Variants in NALF1 observed in about 807,000 individuals in gnomAD.
NALF1 encodes the protein family with sequence similarity 155 member A.
NALF1 carries 3 observed loss-of-function variants against 48.4 expected under a neutral mutation model. The ratio of observed to expected loss-of-function variants is 0.06; its 90% confidence interval spans 0.03 to 0.16. The LOEUF is 0.16. NALF1 is among the 10% of genes least tolerant of loss of function. NALF1 has a pLI of 1.00. For synonymous variants in NALF1, 262 were observed against 245.7 expected (o/e 1.07, Z -0.62); for missense variants, 526 against 571.5 (o/e 0.92, Z 0.81).
At chr13:107,820,540 T>C (rs1879334532) in intron 1 of NALF1, among the ~76,000 whole-genome samples, 1 of 152,216 alleles carries the variant, frequency 6.6e-6, no homozygotes, top group Admixed American at 6.5e-5. Context: ...AAACTTATTT[T>C]TTCAAAACCT....
At chr13:107,711,383 G>A (rs556814715) in intron 1 of NALF1, among the ~76,000 whole-genome samples, 39 of 152,238 alleles carry the variant, frequency 2.6e-4, no homozygotes, top group South Asian at 1.7e-3. Context: ...TCTCCCAGGC[G>A]GGAGTGCAGT....
chr13:107,277,369 A>G (rs551903402), intron 1 of NALF1, among the ~76,000 whole-genome samples: 1 of 152,230 alleles, frequency 6.6e-6, no homozygotes, highest in Non-Finnish European at 1.5e-5. Context: ...TTTTGCCTCA[A>G]TTTTCTTCTC....
At chr13:107,400,386 G>T (rs1418736813) in intron 1 of NALF1, among the ~76,000 whole-genome samples, 1 of 152,034 alleles carries the variant, frequency 6.6e-6, no homozygotes, top group East Asian at 1.9e-4. Flanking sequence ...CCTCAACCTT[G>T]CTTTTTGGCA....
chr13:107,676,107 T>A (rs1594199983), intron 1 of NALF1, among the ~76,000 whole-genome samples: 1 of 152,146 alleles, frequency 6.6e-6, no homozygotes, highest in Non-Finnish European at 1.5e-5. Context: ...AGAAAAACAC[T>A]CAAGCCTGCT....
chr13:107,633,858 A>G (rs1455819882), intron 1 of NALF1, among the ~76,000 whole-genome samples: 1 of 144,560 alleles, frequency 6.9e-6, no homozygotes, highest in Non-Finnish European at 1.5e-5. Context: ...TTGCTCACAT[A>G]TATGTGTGTG....
intron 1 of NALF1, among the ~76,000 whole-genome samples, chr13:107,350,003 A>G (rs753132115): frequency 2.0e-5 from 3 of 152,116 alleles, no homozygotes; most frequent in Non-Finnish European, 2.9e-5. Flanking sequence ...TAAGGACCCT[A>G]CGACCTAGAT....
intron 1 of NALF1, among the ~76,000 whole-genome samples, chr13:107,359,707 T>A (rs1883027453): frequency 6.7e-6 from 1 of 149,268 alleles, no homozygotes; most frequent in Admixed American, 6.8e-5. Context: ...CTCTAGGGGG[T>A]GGCATTTTAA....
chr13:107,764,237 A>G (rs1293107400), intron 1 of NALF1, among the ~76,000 whole-genome samples: 1 of 152,162 alleles, frequency 6.6e-6, no homozygotes, highest in Non-Finnish European at 1.5e-5. Flanking sequence ...GTTTGTATAT[A>G]TGATGTTGCA....
At position 107,164,932 on chromosome 13, in the gene NALF1, C is replaced by G. The variant is rs781219900; in HGVS notation, c.*5565G>C. On this transcript the variant is annotated 3_prime_UTR_variant, in exon 3 of 3. Coordinates refer to ENST00000375915, the MANE Select transcript of NALF1 (RefSeq NM_001080396.3). Reference sequence around the variant, plus strand: ...CATGATAACTAACTACTACTGAGCACCTGTTTTGTCCAGGCACATTTATAT... The same window carrying G: ...CATGATAACTAACTACTACTGAGCAGCTGTTTTGTCCAGGCACATTTATAT... The G allele has an allele frequency of 2.0e-5, 3 of 152,118 alleles. No homozygotes were observed. Among genetic ancestry groups the G allele is most frequent in the Admixed American group, 6.5e-5 (1 of 15,270 alleles). The allele number at this position is 152,118 out of a possible 1,614,324, so 9.4% of individuals were successfully genotyped here.
At chr13:107,720,777 G>A (rs1174632135) in intron 1 of NALF1, among the ~76,000 whole-genome samples, 1 of 152,084 alleles carries the variant, frequency 6.6e-6, no homozygotes, top group Non-Finnish European at 1.5e-5. Flanking sequence ...GATCACTTTA[G>A]AGCACAATCA....
intron 1 of NALF1, among the ~76,000 whole-genome samples, chr13:107,532,571 T>C (rs971930148): frequency 1.3e-5 from 2 of 152,108 alleles, no homozygotes; most frequent in African/African-American, 4.8e-5. Flanking sequence ...TCCAAAATCA[T>C]ACTCCATAAA....
At chr13:107,217,581 C>T (rs889870657) in intron 1 of NALF1, among the ~76,000 whole-genome samples, 1 of 152,150 alleles carries the variant, frequency 6.6e-6, no homozygotes, top group African/African-American at 2.4e-5. Flanking sequence ...CTCTCTCACT[C>T]TGTTTCAATA....
In NALF1 at chr13:107,216,566, C is replaced by T. The variant is rs539913300; in HGVS notation, c.916-5811G>A. On this transcript the variant is annotated intron_variant, in intron 1 of 2. Coordinates refer to ENST00000375915, the MANE Select transcript of NALF1 (RefSeq NM_001080396.3). ...TGCCTTCTAGGGCTTTGTCTTGGCTCCATTTCCTGAAGTAAAACGCAAATG... is the reference window on the plus strand; with the variant it reads ...TGCCTTCTAGGGCTTTGTCTTGGCTTCATTTCCTGAAGTAAAACGCAAATG... Among the ~76,000 whole-genome samples the T allele has an allele frequency of 4.3e-4, 66 of 152,296 alleles. No individual in the cohort carries two copies. The South Asian group carries it at 8.3e-3, about 19-fold the overall frequency.
intron 1 of NALF1, among the ~76,000 whole-genome samples, chr13:107,262,769 G>GCGCTCT (rs36027059): frequency 0.33 from 47,738 of 143,998 alleles, 8,022 homozygotes; most frequent in South Asian, 0.5. Flanking sequence ...ACCCACAGGC[G>GCGCTCT]CTCTCTCTCT....
In NALF1 at chr13:107,756,444, T is replaced by TATATATATATATATATATAC. The variant is rs201150584; in HGVS notation, c.915+109237_915+109238insGTATATATATATATATATAT. ...TAAATAAGTTTAATGGCTATATATATATATATATATAAAGCATAAATACAC... is the reference window on the plus strand; with the variant it reads ...TAAATAAGTTTAATGGCTATATATATATATATATATATATATATACATATATATATAAAGCATAAATACAC... On this transcript the variant is annotated intron_variant, in intron 1 of 2. Coordinates refer to ENST00000375915, the MANE Select transcript of NALF1 (RefSeq NM_001080396.3). 4.8e-4 allele frequency among the ~76,000 whole-genome samples: 72 copies of TATATATATATATATATATAC among 150,600 alleles called. 1 individual carries two copies. Among genetic ancestry groups the TATATATATATATATATATAC allele is most frequent in the African/African-American group, 1.6e-3 (66 of 40,972 alleles).
chr13:107,345,471 G>T (rs982021690), intron 1 of NALF1, among the ~76,000 whole-genome samples: 5 of 152,210 alleles, frequency 3.3e-5, no homozygotes, highest in East Asian at 1.9e-4. Flanking sequence ...TAGACCAAAA[G>T]AACACAATCG....
intron 2 of NALF1, among the ~76,000 whole-genome samples, chr13:107,208,865 T>C (rs1171320408): frequency 6.6e-6 from 1 of 152,034 alleles, no homozygotes; most frequent in Non-Finnish European, 1.5e-5. Context: ...ATTCCTTCTT[T>C]CCCTCTTCCC....
chr13:107,826,020 C>T (rs140404789), intron 1 of NALF1, among the ~76,000 whole-genome samples: 1,805 of 152,302 alleles, frequency 0.012, 35 homozygotes, highest in African/African-American at 0.041. Context: ...ACCTCGTGAC[C>T]TGCCCACCTC....
chr13:107,529,006 C>T (rs1436598554), intron 1 of NALF1, among the ~76,000 whole-genome samples: 1 of 152,110 alleles, frequency 6.6e-6, no homozygotes, highest in Non-Finnish European at 1.5e-5. Flanking sequence ...GCTTATTTTC[C>T]AATAAAAGTA....
Sources: gnomAD v4.1 joint callset for allele counts (sites outside exome capture counted in the v4.1 genomes callset) on GRCh38, gnomAD v4.1.1 for gene constraint, MANE v1.5 for transcripts, NCBI Gene and HGNC (gene_info 2026-07-23, HGNC 2026-07-21) for gene names.